LIPA: variants seen among roughly 807,000 people sequenced by gnomAD.
LIPA encodes lipase A, lysosomal acid type, also known as lysosomal acid lipase/cholesteryl ester hydrolase.
Under a neutral mutation model 40.6 loss-of-function variants are expected in LIPA, and 26 were observed. The ratio of observed to expected loss-of-function variants is 0.64; its 90% CI spans 0.47 to 0.89. The LOEUF (loss-of-function observed/expected upper bound fraction) is 0.89, where lower values mean the gene tolerates loss of function less well. Among genes scored for constraint, LIPA ranks in the 40% least tolerant of loss-of-function variants. The pLI is 0.00. For missense variants in LIPA, 455 were observed against 479.6 expected (o/e 0.95, Z 0.48); for synonymous variants, 188 against 168.4 (o/e 1.12, Z -0.90).
At chr10:89,282,964 T>C (rs1273656525) in intron 1 of LIPA, among the ~76,000 whole-genome samples, 1 of 152,248 alleles carries the variant, frequency 6.6e-6, no homozygotes, top group African/African-American at 2.4e-5. Context: ...TAAATGGCCA[T>C]ATTTCACATG....
intron 4 of LIPA, among the ~76,000 whole-genome samples, chr10:89,227,844 G>A (rs913366537): frequency 6.6e-6 from 1 of 152,160 alleles, no homozygotes; most frequent in African/African-American, 2.4e-5. Flanking sequence ...GAAGGAAGAG[G>A]GAGGAAAGGA....
At chr10:89,377,548 G>T (rs1202824110) in intron 2 of LIPA, among the ~76,000 whole-genome samples, 1 of 152,164 alleles carries the variant, frequency 6.6e-6, no homozygotes, top group Non-Finnish European at 1.5e-5. Flanking sequence ...TTGAGGAGTT[G>T]TTTTGCCTAA....
At chr10:89,316,764 C>T (rs980084735) in intron 1 of LIPA, among the ~76,000 whole-genome samples, 6 of 152,246 alleles carry the variant, frequency 3.9e-5, no homozygotes, top group African/African-American at 1.4e-4. Context: ...GACAGACTGC[C>T]TCCTCAAGTG....
intron 1 of LIPA, chr10:89,340,623 TA>T (rs1843855249): frequency 6.7e-6 from 1 of 148,390 alleles, no homozygotes; most frequent in African/African-American, 2.5e-5. Context: ...TACAGTTACA[TA>T]GTCCGAAGGT....
At chr10:89,354,189 A>T (rs1158211549) in intron 2 of LIPA, among the ~76,000 whole-genome samples, 1 of 152,220 alleles carries the variant, frequency 6.6e-6, no homozygotes, top group Non-Finnish European at 1.5e-5. Flanking sequence ...TTGTGTATTC[A>T]GTGAAAGGCT....
chr10:89,271,857 G>T (rs1280497151), intron 1 of LIPA, among the ~76,000 whole-genome samples: 1 of 151,682 alleles, frequency 6.6e-6, no homozygotes, highest in East Asian at 1.9e-4. Flanking sequence ...AGCCTCAGGG[G>T]TTTGAGACCA....
At chr10:89,414,290 G>A (rs1039053216) in intron 1 of LIPA, 2 of 153,716 alleles carry the variant, frequency 1.3e-5, no homozygotes, top group African/African-American at 4.8e-5. Context: ...AGCACCTTGG[G>A]AGGCAGAGGC....
intron 2 of LIPA, among the ~76,000 whole-genome samples, chr10:89,395,750 C>T (rs1274510629): frequency 6.6e-6 from 1 of 152,134 alleles, no homozygotes; most frequent in Non-Finnish European, 1.5e-5. Context: ...ACCAAATACC[C>T]TGAAGCTCTT....
chr10:89,344,434 T>C (rs1255203331), upstream of LIPA, among the ~76,000 whole-genome samples: 6 of 152,272 alleles, frequency 3.9e-5, no homozygotes, highest in Admixed American at 6.5e-5. Context: ...CCAGGACCCA[T>C]TCAGAGGTTA....
intron 1 of LIPA, among the ~76,000 whole-genome samples, chr10:89,298,692 T>G (rs2133514963): frequency 6.6e-6 from 1 of 152,176 alleles, no homozygotes; most frequent in Admixed American, 6.5e-5. Flanking sequence ...CAGGAAAAAC[T>G]ATTCAAAATT....
At chr10:89,270,919 C>A (rs1302890311) in intron 1 of LIPA, among the ~76,000 whole-genome samples, 5 of 152,200 alleles carry the variant, frequency 3.3e-5, no homozygotes, top group Non-Finnish European at 7.4e-5. Flanking sequence ...TACTTTGGGG[C>A]TCTAGTAGAG....
At chr10:89,402,670 T>C (rs1192409871) in intron 2 of LIPA, 1 of 1,614,064 alleles carries the variant, frequency 6.2e-7, no homozygotes, top group African/African-American at 1.3e-5. Context: ...TCAAATCCCT[T>C]CCGCTATAGA....
intron 1 of LIPA, among the ~76,000 whole-genome samples, chr10:89,297,701 C>T (rs778439131): frequency 3.8e-4 from 58 of 152,218 alleles, no homozygotes; most frequent in Non-Finnish European, 6.6e-4. Context: ...ACTCTGTACT[C>T]GGCCTCACAA....
Position 89,392,476 on chromosome 10 carries a change from C to T in LIPA, c.61+20315G>A, listed in dbSNP as rs577277932. On this transcript the variant is annotated intron_variant, in intron 2 of 8. Transcript: ENST00000371837. ...GAAACAAAGTTTCATTCCCCACCCC[C>T]CCCCGTCAGCAGGAATTCCGCTAGC... 1.3e-4 allele frequency: 33 copies of T among 253,572 alleles called. 4 individuals are homozygous for T. In the South Asian group the frequency reaches 1.9e-3, roughly 14 times the overall value. 15.7% of individuals were successfully genotyped at this position (253,572 alleles called of 1,614,324 possible).
chr10:89,389,980 T>C (rs1031199207), intron 2 of LIPA, among the ~76,000 whole-genome samples: 127 of 141,050 alleles, frequency 9.0e-4, no homozygotes, highest in Admixed American at 3.0e-3. Context: ...TCTTTCTTTT[T>C]TTTTTTTTTT....
chr10:89,221,082 G>A (rs1184732394), intron 8 of LIPA, among the ~76,000 whole-genome samples: 1 of 152,128 alleles, frequency 6.6e-6, no homozygotes, highest in Non-Finnish European at 1.5e-5. Flanking sequence ...GTATCACAAA[G>A]GGGCAGCAGG....
chr10:89,258,209 T>C (rs1418113101), intron 1 of LIPA, among the ~76,000 whole-genome samples: 1 of 152,280 alleles, frequency 6.6e-6, no homozygotes, highest in Non-Finnish European at 1.5e-5. Flanking sequence ...TTTTTAACAA[T>C]GGTGCTAGAA....
intron 2 of LIPA, chr10:89,403,092 T>G: frequency 6.2e-7 from 1 of 1,614,008 alleles, no homozygotes; most frequent in Non-Finnish European, 8.5e-7. Flanking sequence ...AGCTCTTGAG[T>G]TATTAAAAAA....
intron 1 of LIPA, among the ~76,000 whole-genome samples, chr10:89,258,433 T>C (rs141983519): frequency 7.2e-5 from 11 of 152,208 alleles, no homozygotes; most frequent in African/African-American, 2.2e-4. Context: ...ATCAACAAAT[T>C]GGACCCCTTC....
Sources: allele counts gnomAD v4.1 joint callset (sites outside exome capture counted in the v4.1 genomes callset), GRCh38; gene constraint gnomAD v4.1.1; transcripts MANE v1.5; gene names NCBI Gene and HGNC (gene_info 2026-07-23, HGNC 2026-07-21).